PRTFDC1: variants seen among roughly 807,000 people sequenced by gnomAD.
PRTFDC1 encodes the protein phosphoribosyl transferase domain containing 1, also known as phosphoribosyltransferase domain-containing protein 1.
Under a neutral mutation model 34.6 loss-of-function variants are expected in PRTFDC1, and 38 were observed. That is an observed-to-expected ratio of 1.10 (90% CI 0.85 to 1.44). The LOEUF (loss-of-function observed/expected upper bound fraction) is 1.44. Among genes scored for constraint, PRTFDC1 ranks in the 40% most tolerant of loss-of-function variants. The probability of loss-of-function intolerance (pLI) is 0.00; values close to 1 mark genes in which losing one functional copy is unlikely to be tolerated. For missense variants in PRTFDC1, 270 were observed against 283.0 expected (o/e 0.95, Z 0.33); for synonymous variants, 93 against 98.1 (o/e 0.95, Z 0.31).
intron 3 of PRTFDC1, among the ~76,000 whole-genome samples, chr10:24,891,255 C>T (rs1487502944): frequency 2.0e-5 from 3 of 152,068 alleles, no homozygotes; most frequent in African/African-American, 4.8e-5. Flanking sequence ...TCATGAAACT[C>T]CACTGAGTAT....
At chr10:24,853,484 TGTA>T (rs1188543456) in intron 7 of PRTFDC1, among the ~76,000 whole-genome samples, 8 of 152,162 alleles carry the variant, frequency 5.3e-5, no homozygotes, top group Non-Finnish European at 1.0e-4. Flanking sequence ...TGGTGGTACC[TGTA>T]GTCCCAGCTA....
chr10:24,898,304 A>C (rs1348905088), intron 3 of PRTFDC1, among the ~76,000 whole-genome samples: 2 of 150,920 alleles, frequency 1.3e-5, no homozygotes, highest in South Asian at 2.1e-4. Flanking sequence ...AAAAAAAAAA[A>C]AACACAAAAA....
intron 3 of PRTFDC1, among the ~76,000 whole-genome samples, chr10:24,935,104 T>C (rs1257793476): frequency 2.0e-5 from 3 of 152,212 alleles, no homozygotes; most frequent in African/African-American, 7.2e-5. Flanking sequence ...TTAAGGAAAC[T>C]GTTCTATATC....
At chr10:24,857,619 A>G (rs1847603377) in intron 5 of PRTFDC1, among the ~76,000 whole-genome samples, 1 of 152,212 alleles carries the variant, frequency 6.6e-6, no homozygotes, top group Non-Finnish European at 1.5e-5. Flanking sequence ...GCTGATTATC[A>G]AAACAACAGG....
rs1849081699 is a variant in PRTFDC1 at position 24,937,939 on chromosome 10, T to G, written c.156-572A>C. ...CTGGCATGCTCCTTAAAAAGGAACATTTGGGCCAAGAGTGGTGTCTCACAC... is the reference window on the plus strand; with the variant it reads ...CTGGCATGCTCCTTAAAAAGGAACAGTTGGGCCAAGAGTGGTGTCTCACAC... On this transcript the variant is annotated intron_variant, in intron 2 of 8. Coordinates refer to ENST00000320152, the MANE Select transcript of PRTFDC1 (RefSeq NM_020200.7). 2.0e-5 allele frequency among the ~76,000 whole-genome samples: 3 copies of G among 151,994 alleles called. No homozygotes were observed. In the South Asian group the frequency reaches 6.2e-4, roughly 32 times the overall value.
At chr10:24,911,724 G>A (rs1373741073) in intron 3 of PRTFDC1, among the ~76,000 whole-genome samples, 5 of 151,992 alleles carry the variant, frequency 3.3e-5, no homozygotes, top group East Asian at 1.9e-4. Flanking sequence ...AAAATTAGCC[G>A]GGTATGGTGG....
intron 3 of PRTFDC1, among the ~76,000 whole-genome samples, chr10:24,936,110 A>G (rs976254588): frequency 2.6e-5 from 4 of 152,232 alleles, no homozygotes; most frequent in Non-Finnish European, 4.4e-5. Flanking sequence ...TCAAAGAGTG[A>G]TTCATGAATT....
intron 3 of PRTFDC1, among the ~76,000 whole-genome samples, chr10:24,925,964 G>A (rs757002423): frequency 2.6e-5 from 4 of 152,198 alleles, no homozygotes; most frequent in Non-Finnish European, 5.9e-5. Flanking sequence ...TATCCACTGT[G>A]TGCTCTGGAT....
At chr10:24,895,317 T>C (rs1848335148) in intron 3 of PRTFDC1, among the ~76,000 whole-genome samples, 1 of 133,310 alleles carries the variant, frequency 7.5e-6, no homozygotes, top group African/African-American at 2.8e-5. Context: ...AATGGCATGA[T>C]CTTGGCTCAC....
In PRTFDC1 at chr10:24,935,388, C is replaced by A. The variant is rs534923486; in HGVS notation, c.339+1796G>T. Among the ~76,000 whole-genome samples, 60 of 152,186 alleles carry A rather than the reference C, an allele frequency of 3.9e-4. 1 individual carries two copies. In the South Asian group the frequency reaches 0.012, roughly 31 times the overall value. On this transcript the variant is annotated intron_variant, in intron 3 of 8. Transcript: ENST00000320152. The stretch of plus-strand genomic sequence containing the variant: ...AAAAAATTCTCAGGAGAAGATAAAA[C>A]CAAGAAATCAGAGCTAAGATGTCTT...
chr10:24,943,172 G>A (rs1401615028), intron 1 of PRTFDC1, among the ~76,000 whole-genome samples: 1 of 141,386 alleles, frequency 7.1e-6, no homozygotes, highest in Non-Finnish European at 1.6e-5. Flanking sequence ...CATTGTAAGT[G>A]CCTCATCTGC....
At chr10:24,948,747 C>A (rs1007208689) in intron 1 of PRTFDC1, among the ~76,000 whole-genome samples, 1 of 152,182 alleles carries the variant, frequency 6.6e-6, no homozygotes, top group East Asian at 1.9e-4. Context: ...CCTACCTCAA[C>A]GATCTTTCCA....
At chr10:24,915,213 T>C (rs945336996) in intron 3 of PRTFDC1, among the ~76,000 whole-genome samples, 6 of 152,196 alleles carry the variant, frequency 3.9e-5, no homozygotes, top group African/African-American at 1.4e-4. Flanking sequence ...ATATTGGAAT[T>C]TGCACCAGAT....
intron 2 of PRTFDC1, among the ~76,000 whole-genome samples, chr10:24,940,707 A>T (rs2132613304): frequency 6.6e-6 from 1 of 152,372 alleles, no homozygotes; most frequent in South Asian, 2.1e-4. Flanking sequence ...AAGAGAAATG[A>T]AAAGATATGT....
chr10:24,884,246 T>G (rs1848129166), intron 3 of PRTFDC1, among the ~76,000 whole-genome samples: 1 of 151,992 alleles, frequency 6.6e-6, no homozygotes. Context: ...TTAAACCAGC[T>G]CTCATGAAAC....
chr10:24,856,353 G>A (rs1310635658), intron 6 of PRTFDC1, among the ~76,000 whole-genome samples: 5 of 151,592 alleles, frequency 3.3e-5, no homozygotes, highest in Non-Finnish European at 5.9e-5. Flanking sequence ...TTGGGAGGCT[G>A]AGGCAGGCAG....
At chr10:24,937,097 A>C in intron 3 of PRTFDC1, 87 bp downstream of exon 3, 8 of 1,230,136 alleles carry the variant, frequency 6.5e-6, no homozygotes, top group Non-Finnish European at 8.9e-6. Flanking sequence ...TAAAAATTGC[A>C]CTCTTCATTT....
chr10:24,941,035 CTT>C (rs1849146877), intron 2 of PRTFDC1, among the ~76,000 whole-genome samples: 1 of 106,946 alleles, frequency 9.4e-6, no homozygotes, highest in Non-Finnish European at 1.7e-5. Flanking sequence ...ATAAATTAAT[CTT>C]GTGTGTGTGT....
intron 7 of PRTFDC1, 51 bp from the exon 8 acceptor site, chr10:24,851,515 A>T: frequency 6.3e-7 from 1 of 1,582,866 alleles, no homozygotes; most frequent in Non-Finnish European, 8.5e-7. Flanking sequence ...TTTAGATTAT[A>T]TAAATGCAAG....
Sources: gnomAD v4.1 joint callset for allele counts (sites outside exome capture counted in the v4.1 genomes callset) on GRCh38, gnomAD v4.1.1 for gene constraint, MANE v1.5 for transcripts, NCBI Gene and HGNC (gene_info 2026-07-23, HGNC 2026-07-21) for gene names.